KCNH7: variants seen among roughly 807,000 people sequenced by gnomAD.
KCNH7 encodes voltage-gated inwardly rectifying potassium channel KCNH7.
Under a neutral mutation model 120.8 loss-of-function variants are expected in KCNH7, and 49 were observed. The observed-to-expected ratio is 0.41, with a 90% CI of 0.32 to 0.51. KCNH7 has a LOEUF of 0.51. Among genes scored for constraint, KCNH7 ranks in the 20% least tolerant of loss-of-function variants. The pLI is 0.38. For missense variants in KCNH7, 1,097 were observed against 1,446.6 expected (o/e 0.76, Z 3.92); for synonymous variants, 547 against 516.1 (o/e 1.06, Z -0.81).
intron 14 of KCNH7, among the ~76,000 whole-genome samples, chr2:162,379,039 C>T (rs768933571): frequency 2.6e-5 from 4 of 152,140 alleles, no homozygotes; most frequent in African/African-American, 7.2e-5. Flanking sequence ...GTGTTAATTG[C>T]CCCATATGGT....
intron 2 of KCNH7, among the ~76,000 whole-genome samples, chr2:162,759,138 AT>A (rs1318406820): frequency 2.0e-5 from 3 of 152,092 alleles, no homozygotes; most frequent in African/African-American, 7.2e-5. Flanking sequence ...TTTTTTGTTT[AT>A]AAAAATGTAG....
At chr2:162,379,138 G>A (rs1686319768) in intron 14 of KCNH7, among the ~76,000 whole-genome samples, 1 of 152,058 alleles carries the variant, frequency 6.6e-6, no homozygotes, top group South Asian at 2.1e-4. Context: ...TTTCTGTCTG[G>A]GACCACTGGA....
At chr2:162,606,604 T>C (rs770084585) in intron 2 of KCNH7, among the ~76,000 whole-genome samples, 5 of 152,142 alleles carry the variant, frequency 3.3e-5, no homozygotes, top group Non-Finnish European at 7.4e-5. Context: ...AATGTGAAAA[T>C]CCTTCCACCT....
chr2:162,601,628 C>T (rs1694560934), intron 2 of KCNH7, among the ~76,000 whole-genome samples: 1 of 151,632 alleles, frequency 6.6e-6, no homozygotes, highest in Non-Finnish European at 1.5e-5. Flanking sequence ...GTTAATAATC[C>T]ATACAATTAT....
rs750946818 is a variant in KCNH7, at chr2:162,517,867, A to G, written c.755T>C (p.Leu252Pro). The G allele has an allele frequency of 1.9e-6, 3 of 1,612,472 alleles. No individual in the cohort carries two copies. Among genetic ancestry groups the G allele is most frequent in the Non-Finnish European group, 2.5e-6 (3 of 1,178,938 alleles). ...RQWDRLYPDM[L>P]QSSSQLSHSR... ...ATGGGACAGCTGGGAACTTGACTGC[A>G]GCATGTCAGGGTAGAGTCGGTCCCA... Residue 252 changes from leucine (L) to proline (P), a missense_variant, in exon 4 of 16, where the codon CTG (leucine) becomes CCG (proline). This residue lies in a region of KCNH7 where 362 missense variants were observed against 372.2 expected (regional missense o/e 0.97). Transcript: ENST00000332142.
At chr2:162,770,143 A>G (rs947729754) in intron 2 of KCNH7, among the ~76,000 whole-genome samples, 5 of 152,018 alleles carry the variant, frequency 3.3e-5, no homozygotes, top group Non-Finnish European at 7.4e-5. Context: ...ATTTGATTAC[A>G]TATTTGCCTG....
intron 13 of KCNH7, among the ~76,000 whole-genome samples, chr2:162,384,113 T>C (rs1004822683): frequency 6.6e-6 from 1 of 151,982 alleles, no homozygotes; most frequent in African/African-American, 2.4e-5. Flanking sequence ...CAAGCATTAT[T>C]ACCCAACTCG....
chr2:162,791,771 C>A (rs1456198298), intron 2 of KCNH7, among the ~76,000 whole-genome samples: 1 of 152,016 alleles, frequency 6.6e-6, no homozygotes, highest in Non-Finnish European at 1.5e-5. Context: ...ATGTCCTTTA[C>A]TTCTTTCCCT....
At chr2:162,440,218 TAA>T (rs2105535888) in intron 7 of KCNH7, among the ~76,000 whole-genome samples, 1 of 152,142 alleles carries the variant, frequency 6.6e-6, no homozygotes, top group South Asian at 2.1e-4. Flanking sequence ...TGCCTATAAA[TAA>T]GTGATACAAT....
intron 2 of KCNH7, among the ~76,000 whole-genome samples, chr2:162,765,902 C>G (rs756678144): frequency 7.2e-5 from 11 of 152,032 alleles, no homozygotes; most frequent in Non-Finnish European, 1.3e-4. Flanking sequence ...GGGGACCATG[C>G]CCCACCAAGC....
At chr2:162,571,640 A>G (rs915792472) in intron 2 of KCNH7, among the ~76,000 whole-genome samples, 4 of 148,540 alleles carry the variant, frequency 2.7e-5, no homozygotes, top group Non-Finnish European at 5.9e-5. Flanking sequence ...ACCTGACTTC[A>G]AACTATACTA....
At chr2:162,395,960 T>A (rs1686901791) in intron 11 of KCNH7, among the ~76,000 whole-genome samples, 1 of 151,760 alleles carries the variant, frequency 6.6e-6, no homozygotes, top group Admixed American at 6.6e-5. Context: ...GATTTCTGAT[T>A]TAAAAAAGCA....
intron 2 of KCNH7, among the ~76,000 whole-genome samples, chr2:162,760,560 T>C (rs757543644): frequency 5.9e-5 from 9 of 152,096 alleles, no homozygotes; most frequent in Non-Finnish European, 1.3e-4. Context: ...CAAAATACTA[T>C]AAATTTTTAT....
chr2:162,536,750 C>T (rs1179856119), intron 3 of KCNH7, among the ~76,000 whole-genome samples, 175 bp downstream of exon 3: 1 of 151,860 alleles, frequency 6.6e-6, no homozygotes, highest in African/African-American at 2.4e-5. Context: ...TCAGAGCAGC[C>T]AACAAATTTT....
intron 14 of KCNH7, among the ~76,000 whole-genome samples, chr2:162,376,559 T>G (rs955547694): frequency 4.6e-5 from 7 of 152,038 alleles, no homozygotes; most frequent in African/African-American, 1.7e-4. Context: ...AGATGGGGGT[T>G]CACCATCTTG....
chr2:162,443,782 G>T (rs1428131655), intron 7 of KCNH7, among the ~76,000 whole-genome samples: 1 of 152,162 alleles, frequency 6.6e-6, no homozygotes, highest in Admixed American at 6.5e-5. Flanking sequence ...ATTGCAGCCA[G>T]AATAAGTAAG....
intron 2 of KCNH7, among the ~76,000 whole-genome samples, chr2:162,626,538 C>T (rs975322977): frequency 2.0e-5 from 3 of 152,098 alleles, no homozygotes; most frequent in African/African-American, 7.2e-5. Context: ...TAAATGACTG[C>T]CATGTCTGAT....
chr2:162,624,852 G>A (rs970391479), intron 2 of KCNH7, among the ~76,000 whole-genome samples: 1 of 148,904 alleles, frequency 6.7e-6, no homozygotes, highest in Non-Finnish European at 1.5e-5. Flanking sequence ...AGTTTCAGGT[G>A]GTTTCAAGGA....
chr2:162,711,000 G>GA (rs892830453), intron 2 of KCNH7, among the ~76,000 whole-genome samples: 6 of 150,430 alleles, frequency 4.0e-5, no homozygotes, highest in South Asian at 2.1e-4. Flanking sequence ...CACAACCACA[G>GA]AAAAAAAAAC....
Sources: allele counts gnomAD v4.1 joint callset (sites outside exome capture counted in the v4.1 genomes callset), GRCh38; gene constraint gnomAD v4.1.1; regional missense constraint gnomAD v4.1.1; transcripts MANE v1.5; gene names NCBI Gene and HGNC (gene_info 2026-07-23, HGNC 2026-07-21).